ITGA9: variants seen among roughly 807,000 people sequenced by gnomAD.
The protein encoded by ITGA9 is integrin subunit alpha 9.
ITGA9 carries 56 observed loss-of-function variants against 127.8 expected under a neutral mutation model. The ratio of observed to expected loss-of-function variants is 0.44; its 90% CI spans 0.35 to 0.55. ITGA9 has a LOEUF of 0.55. ITGA9 is among the 20% of genes least tolerant of loss of function. The pLI is 0.00. For synonymous variants in ITGA9, 508 were observed against 514.5 expected (o/e 0.99, Z 0.17); for missense variants, 1,196 against 1,347.1 (o/e 0.89, Z 1.76).
chr3:37,659,726 G>T (rs1418186002), intron 17 of ITGA9, among the ~76,000 whole-genome samples: 1 of 151,948 alleles, frequency 6.6e-6, no homozygotes, highest in East Asian at 1.9e-4. Flanking sequence ...TCCCTTGCTG[G>T]TGAGGAGTTG....
intron 17 of ITGA9, among the ~76,000 whole-genome samples, chr3:37,663,376 T>C (rs1700556053): frequency 6.6e-6 from 1 of 152,172 alleles, no homozygotes. Context: ...TAAGGACTTT[T>C]AAGGGAGATG....
intron 15 of ITGA9, among the ~76,000 whole-genome samples, chr3:37,620,198 C>T (rs1700114602): frequency 1.3e-5 from 2 of 152,198 alleles, no homozygotes; most frequent in South Asian, 2.1e-4. Context: ...TAGGATTCTG[C>T]CTGTCACAGG....
Position 37,617,682 on chromosome 3 carries a change from A to C in ITGA9, c.1690-11505A>C, listed in dbSNP as rs564517645. 2.3e-3 allele frequency among the ~76,000 whole-genome samples: 356 copies of C among 152,128 alleles called. 1 individual carries two copies. The highest frequency in any genetic ancestry group is 8.1e-3 in the African/African-American group (337 of 41,498). On this transcript the variant is annotated intron_variant, in intron 15 of 27. Coordinates refer to ENST00000264741, the MANE Select transcript of ITGA9 (RefSeq NM_002207.3). ...CGTTTCTTTTTATTCTTTTTTCTCT[A>C]AACTTCTCTTCTTGCTTCATTTCAT...
chr3:37,579,966 A>G (rs957141013), intron 15 of ITGA9, among the ~76,000 whole-genome samples: 1 of 152,214 alleles, frequency 6.6e-6, no homozygotes, highest in Non-Finnish European at 1.5e-5. Context: ...ATAATTATCC[A>G]TTTAATGTGT....
At chr3:37,682,173 C>T (rs6784857) in intron 17 of ITGA9, among the ~76,000 whole-genome samples, 3,106 of 152,290 alleles carry the variant, frequency 0.02, 121 homozygotes, top group African/African-American at 0.071. Flanking sequence ...CTCTGTTCTC[C>T]TTTAGAGAAA....
At chr3:37,643,060 G>A (rs536965693) in intron 16 of ITGA9, among the ~76,000 whole-genome samples, 2 of 152,330 alleles carry the variant, frequency 1.3e-5, no homozygotes, top group South Asian at 2.1e-4. Context: ...AGGGAGAAGA[G>A]TCACTCCAGA....
intron 15 of ITGA9, among the ~76,000 whole-genome samples, chr3:37,627,106 G>A (rs1416167674): frequency 1.3e-5 from 2 of 152,196 alleles, no homozygotes; most frequent in Non-Finnish European, 2.9e-5. Flanking sequence ...TGGAGTTCAA[G>A]AGGCGTTTTC....
At chr3:37,487,549 A>G (rs1194316181) in intron 4 of ITGA9, among the ~76,000 whole-genome samples, 2 of 152,170 alleles carry the variant, frequency 1.3e-5, no homozygotes, top group African/African-American at 4.8e-5. Flanking sequence ...AGATTCACCT[A>G]ATATTTATTG....
intron 4 of ITGA9, among the ~76,000 whole-genome samples, chr3:37,482,846 A>G (rs188842397): frequency 1.8e-4 from 27 of 152,302 alleles, no homozygotes; most frequent in Admixed American, 5.2e-4. Flanking sequence ...TGGGCCATGT[A>G]GGGAAATGAA....
intron 25 of ITGA9, among the ~76,000 whole-genome samples, chr3:37,783,090 G>A (rs1696996970): frequency 6.6e-6 from 1 of 151,930 alleles, no homozygotes; most frequent in South Asian, 2.1e-4. Context: ...AGTGAGCCAA[G>A]ATCGTGCCAT....
chr3:37,585,900 T>C (rs933591326), intron 15 of ITGA9, among the ~76,000 whole-genome samples: 5 of 152,214 alleles, frequency 3.3e-5, no homozygotes, highest in African/African-American at 1.2e-4. Flanking sequence ...TTCCCATTGA[T>C]CCAGATCCAG....
intron 26 of ITGA9, among the ~76,000 whole-genome samples, chr3:37,788,657 A>G (rs748638712): frequency 8.5e-5 from 13 of 152,132 alleles, no homozygotes; most frequent in Non-Finnish European, 1.8e-4. Flanking sequence ...CCATGCTAAT[A>G]AGTGTGCTAA....
chr3:37,538,086 T>A (rs75469174), intron 14 of ITGA9, among the ~76,000 whole-genome samples: 1 of 152,172 alleles, frequency 6.6e-6, no homozygotes, highest in Admixed American at 6.5e-5. Context: ...CTGGCAGTTC[T>A]GGGCTTTCAC....
chr3:37,732,635 C>T lies in ITGA9; in HGVS notation c.2068-77C>T, dbSNP rs1457970295. ...CGTCTGAGCACTGCTCTGAAGGACT[C>T]GATTGCCCCGTGGAGCCTGCTCCCA... On this transcript the variant is annotated intron_variant, in intron 18 of 27. Transcript: ENST00000264741. 7 of 1,076,810 alleles carry T rather than the reference C, an allele frequency of 6.5e-6. No homozygotes were observed. In the East Asian group the frequency reaches 1.2e-4, roughly 19 times the overall value. 66.7% of individuals were successfully genotyped at this position (1,076,810 alleles called of 1,614,324 possible).
chr3:37,701,703 G>T (rs1700948394), intron 18 of ITGA9, among the ~76,000 whole-genome samples: 1 of 152,198 alleles, frequency 6.6e-6, no homozygotes, highest in South Asian at 2.1e-4. Context: ...CAGGGCAGGG[G>T]ATCTGGAGGA....
chr3:37,563,634 A>G lies in ITGA9; in HGVS notation c.1689+21049A>G, dbSNP rs1172917734. Among the ~76,000 whole-genome samples the G allele has an allele frequency of 2.0e-5, 3 of 152,200 alleles. No individual in the cohort carries two copies. The East Asian group carries it at 5.8e-4, about 29-fold the overall frequency. On this transcript the variant is annotated intron_variant, in intron 15 of 27. Coordinates refer to ENST00000264741, the MANE Select transcript of ITGA9 (RefSeq NM_002207.3). ...AGTGAGCATCTTGGGTCACCTAACT[A>G]TTAATTCTGGAGGACAGATTCCAGC...
At chr3:37,729,685 A>C (rs1473090004) in intron 18 of ITGA9, among the ~76,000 whole-genome samples, 2 of 149,800 alleles carry the variant, frequency 1.3e-5, no homozygotes, top group African/African-American at 4.9e-5. Context: ...TTGGGGCAAT[A>C]AATCTTTTTG....
chr3:37,493,582 G>C (rs1436849977), intron 4 of ITGA9, among the ~76,000 whole-genome samples: 1 of 152,146 alleles, frequency 6.6e-6, no homozygotes, highest in Non-Finnish European at 1.5e-5. Context: ...CAGAACCTTT[G>C]ATGGTCTACA....
intron 15 of ITGA9, among the ~76,000 whole-genome samples, chr3:37,617,282 A>G (rs769518040): frequency 1.4e-3 from 212 of 152,338 alleles, no homozygotes; most frequent in Non-Finnish European, 8.5e-4. Context: ...AGAATGTTGA[A>G]TATTGGCCCC....
Sources: gnomAD v4.1 joint callset for allele counts (sites outside exome capture counted in the v4.1 genomes callset) on GRCh38, gnomAD v4.1.1 for gene constraint, MANE v1.5 for transcripts, NCBI Gene and HGNC (gene_info 2026-07-23, HGNC 2026-07-21) for gene names.